RGL1: variants seen among roughly 807,000 people sequenced by gnomAD.
RGL1 encodes ral guanine nucleotide dissociation stimulator like 1, also known as ral guanine nucleotide dissociation stimulator-like 1.
In RGL1, 24 loss-of-function variants were observed where a neutral mutation model predicts 95.2. That is an observed-to-expected ratio of 0.25 (90% CI 0.18 to 0.35). The LOEUF (loss-of-function observed/expected upper bound fraction) is 0.35. Among genes scored for constraint, RGL1 ranks in the 10% least tolerant of loss-of-function variants. The pLI is 1.00. For missense variants in RGL1, 715 were observed against 936.3 expected (o/e 0.76, Z 3.08); for synonymous variants, 329 against 344.9 (o/e 0.95, Z 0.51).
At chr1:183,811,715 A>T (rs762830560) in intron 2 of RGL1, among the ~76,000 whole-genome samples, 1 of 152,044 alleles carries the variant, frequency 6.6e-6, no homozygotes, top group Admixed American at 6.5e-5. Context: ...GATCTGTGTT[A>T]GGAATATGTG....
At chr1:183,673,671 T>C (rs1213128824) in intron 1 of RGL1, among the ~76,000 whole-genome samples, 1 of 152,278 alleles carries the variant, frequency 6.6e-6, no homozygotes, top group African/African-American at 2.4e-5. Context: ...ATCTTTGTTA[T>C]ATTTAACAAT....
chr1:183,858,736 C>T (rs1264225106), intron 3 of RGL1, among the ~76,000 whole-genome samples: 1 of 151,950 alleles, frequency 6.6e-6, no homozygotes, highest in Non-Finnish European at 1.5e-5. Flanking sequence ...CTGTCAGGCC[C>T]CTAGTCCTGG....
chr1:183,686,451 A>G (rs886508921), intron 1 of RGL1, among the ~76,000 whole-genome samples: 2 of 152,046 alleles, frequency 1.3e-5, no homozygotes, highest in Non-Finnish European at 2.9e-5. Context: ...GTCTGCTAAG[A>G]TAACTGGGAA....
At chr1:183,666,103 T>C (rs1303110941) in intron 1 of RGL1, among the ~76,000 whole-genome samples, 1 of 151,674 alleles carries the variant, frequency 6.6e-6, no homozygotes, top group Non-Finnish European at 1.5e-5. Flanking sequence ...CCTCCTGGGT[T>C]CAAGTGATTC....
At chr1:183,734,249 C>T (rs1241056977) in intron 1 of RGL1, among the ~76,000 whole-genome samples, 1 of 152,094 alleles carries the variant, frequency 6.6e-6, no homozygotes, top group East Asian at 1.9e-4. Flanking sequence ...GCTCAGATTC[C>T]TAGGAACTCA....
intron 2 of RGL1, among the ~76,000 whole-genome samples, chr1:183,749,501 T>C (rs1283539312): frequency 3.9e-5 from 6 of 152,248 alleles, no homozygotes; most frequent in African/African-American, 1.4e-4. Context: ...CTATAGGTCC[T>C]GACTCTTTAT....
At chr1:183,829,045 T>C (rs1409264973) in intron 2 of RGL1, among the ~76,000 whole-genome samples, 1 of 152,216 alleles carries the variant, frequency 6.6e-6, no homozygotes, top group Non-Finnish European at 1.5e-5. Context: ...ATGCTTGTTA[T>C]AATAACCGGG....
rs148969427 is a variant in RGL1 at position 183,793,196 on chromosome 1, C to T, written c.133-13179C>T. ...AAGAACATACAATGGGGAAAGGATA[C>T]GCTCTTCAGTAATGTGCTGTGAAAA... On this transcript the variant is annotated intron_variant, in intron 2 of 18. Coordinates refer to the RGL1 transcript ENST00000304685. Among the ~76,000 whole-genome samples the T allele has an allele frequency of 3.1e-3, 472 of 152,242 alleles. 3 individuals carry two copies. Among genetic ancestry groups the T allele is most frequent in the African/African-American group, 0.01 (433 of 41,554 alleles).
At chr1:183,824,945 A>G (rs1662749080) in intron 2 of RGL1, among the ~76,000 whole-genome samples, 1 of 152,222 alleles carries the variant, frequency 6.6e-6, no homozygotes, top group African/African-American at 2.4e-5. Flanking sequence ...ACCATTTTTC[A>G]TAACTGAGCA....
At chr1:183,839,634 T>G (rs143808093) in intron 2 of RGL1, among the ~76,000 whole-genome samples, 10 of 152,336 alleles carry the variant, frequency 6.6e-5, no homozygotes, top group African/African-American at 2.4e-4. Context: ...TCCACGTTGA[T>G]TTCCTTGACT....
chr1:183,760,972 A>C (rs576668852), intron 2 of RGL1, among the ~76,000 whole-genome samples: 1 of 152,344 alleles, frequency 6.6e-6, no homozygotes, highest in Admixed American at 6.5e-5. Context: ...GCAGCAATTT[A>C]GCCTATCTTT....
At chr1:183,706,334 A>G (rs1419793255) in intron 1 of RGL1, among the ~76,000 whole-genome samples, 1 of 152,124 alleles carries the variant, frequency 6.6e-6, no homozygotes, top group Non-Finnish European at 1.5e-5. Flanking sequence ...GGGTCCTGAA[A>G]AATTAGGTAA....
At chr1:183,849,186 C>T (rs1458053072) in intron 3 of RGL1, among the ~76,000 whole-genome samples, 2 of 152,084 alleles carry the variant, frequency 1.3e-5, no homozygotes, top group African/African-American at 4.8e-5. Context: ...AACTCCGGGG[C>T]TCAAGAGATC....
chr1:183,912,029 A>C, intron 14 of RGL1, 53 bp from the exon 15 acceptor site: 2 of 1,529,318 alleles, frequency 1.3e-6, no homozygotes, highest in South Asian at 1.2e-5. Context: ...TTGCCTAATC[A>C]TGGATTCCAG....
rs767695808 is a variant in RGL1 at position 183,912,043 on chromosome 1, T to A, written c.1563-39T>A. 1.9e-6 allele frequency: 3 copies of A among 1,583,036 alleles called. No individual in the cohort carries two copies. In the South Asian group the frequency reaches 3.4e-5, roughly 18 times the overall value. ...TTTGCCTAATCATGGATTCCAGATT[T>A]GTAACAGCCCAAATGCTTGGCATTC... On this transcript the variant is annotated intron_variant, in intron 14 of 17. Transcript: ENST00000360851.
At chr1:183,744,130 A>G (rs2102263483) in intron 2 of RGL1, among the ~76,000 whole-genome samples, 2 of 152,298 alleles carry the variant, frequency 1.3e-5, no homozygotes, top group Non-Finnish European at 2.9e-5. Context: ...AGAAAGAGGA[A>G]TCTTCCATGG....
intron 2 of RGL1, among the ~76,000 whole-genome samples, chr1:183,789,009 T>TA (rs1213925236): frequency 6.6e-6 from 1 of 152,248 alleles, no homozygotes; most frequent in Non-Finnish European, 1.5e-5. Context: ...AAGTCTTTCT[T>TA]GAATTCTATG....
At position 183,720,964 on chromosome 1, in the gene RGL1, C is replaced by T. The variant is rs1033979635; in HGVS notation, c.-32-21162C>T. Among the ~76,000 whole-genome samples the T allele has an allele frequency of 3.9e-5, 6 of 152,250 alleles. No individual in the cohort carries two copies. The South Asian group carries it at 6.2e-4, about 16-fold the overall frequency. ...GTATAATTGAGTATAACAGAGAACA[C>T]TGGACGAGGATCAAGTTTGCGAGGG... On this transcript the variant is annotated intron_variant, in intron 1 of 18. Coordinates refer to the RGL1 transcript ENST00000304685.
In RGL1 at chr1:183,928,423, T is replaced by C. The variant is rs1278889918; in HGVS notation, c.*2131T>C. The C allele has an allele frequency of 2.6e-5, 4 of 152,660 alleles. No individual in the cohort carries two copies. The highest frequency in any genetic ancestry group is 9.6e-5 in the African/African-American group (4 of 41,470). The allele number at this position is 152,660 out of a possible 1,614,324, so 9.5% of individuals were successfully genotyped here. The stretch of plus-strand genomic sequence containing the variant: ...CTGGTGGACAGCCGGGTAATGCTTT[T>C]AGCTGCTCGCATGCTTGTCTTTCTG... On this transcript the variant is annotated 3_prime_UTR_variant, in exon 18 of 18. Coordinates refer to ENST00000360851, the MANE Select transcript of RGL1 (RefSeq NM_001297671.3).
Sources: allele counts gnomAD v4.1 joint callset (sites outside exome capture counted in the v4.1 genomes callset), GRCh38; gene constraint gnomAD v4.1.1; transcripts MANE v1.5; gene names NCBI Gene and HGNC (gene_info 2026-07-23, HGNC 2026-07-21).